PLEKHA5: variants seen among roughly 807,000 people sequenced by gnomAD.
PLEKHA5 encodes pleckstrin homology domain containing A5, also known as pleckstrin homology domain-containing family A member 5.
PLEKHA5 carries 55 observed loss-of-function variants against 181.9 expected under a neutral mutation model. The ratio of observed to expected loss-of-function variants is 0.30; its 90% confidence interval spans 0.24 to 0.38. PLEKHA5 has a LOEUF of 0.38. Among genes scored for constraint, PLEKHA5 ranks in the 10% least tolerant of loss-of-function variants. PLEKHA5 has a pLI of 1.00. For synonymous variants in PLEKHA5, 535 were observed against 529.4 expected (o/e 1.01, Z -0.15); for missense variants, 1,432 against 1,549.5 (o/e 0.92, Z 1.27).
At chr12:19,247,031 A>G (rs907741782) in intron 3 of PLEKHA5, among the ~76,000 whole-genome samples, 5 of 152,060 alleles carry the variant, frequency 3.3e-5, no homozygotes, top group Non-Finnish European at 5.9e-5. Context: ...TATTTTCATG[A>G]GAGAATGTGT....
At chr12:19,150,682 A>G (rs1216833501) in intron 3 of PLEKHA5, 1 of 152,230 alleles carries the variant, frequency 6.6e-6, no homozygotes, top group Non-Finnish European at 1.5e-5. Context: ...GTTTGTTAAA[A>G]TACAGTGTGT....
intron 3 of PLEKHA5, among the ~76,000 whole-genome samples, chr12:19,138,673 G>A (rs2036408692): frequency 1.3e-5 from 2 of 152,142 alleles, no homozygotes; most frequent in Admixed American, 1.3e-4. Flanking sequence ...GAAGAGGTGG[G>A]AGTTGAGCTA....
chr12:19,246,959 A>C (rs1173160768), intron 3 of PLEKHA5, among the ~76,000 whole-genome samples: 1 of 151,148 alleles, frequency 6.6e-6, no homozygotes, highest in Non-Finnish European at 1.5e-5. Flanking sequence ...TTAACAAACA[A>C]GTTTTTTTTC....
chr12:19,132,334 T>C (rs1565847836), intron 2 of PLEKHA5, 59 bp from the exon 3 acceptor site: 1 of 840,838 alleles, frequency 1.2e-6, no homozygotes. Flanking sequence ...TTAAAATGGA[T>C]TGAGACTTAT....
At chr12:19,308,758 A>G (rs1260082008) in intron 15 of PLEKHA5, among the ~76,000 whole-genome samples, 1 of 152,110 alleles carries the variant, frequency 6.6e-6, no homozygotes, top group African/African-American at 2.4e-5. Flanking sequence ...ATTTGAAATG[A>G]TAATCCGGCT....
chr12:19,284,377 A>G (rs1333055410), intron 12 of PLEKHA5, among the ~76,000 whole-genome samples: 1 of 152,094 alleles, frequency 6.6e-6, no homozygotes, highest in Non-Finnish European at 1.5e-5. Context: ...CCTAGACCAC[A>G]TTCATTTTTA....
chr12:19,196,946 C>T (rs2052942101), intron 3 of PLEKHA5, among the ~76,000 whole-genome samples: 1 of 151,624 alleles, frequency 6.6e-6, no homozygotes, highest in Admixed American at 6.6e-5. Context: ...AAATCCTGTT[C>T]ACTGGCTGTG....
chr12:19,311,506 T>C (rs1466561212), intron 15 of PLEKHA5, among the ~76,000 whole-genome samples: 1 of 152,108 alleles, frequency 6.6e-6, no homozygotes, highest in Non-Finnish European at 1.5e-5. Flanking sequence ...TGCTGCTGCT[T>C]TATCAACCAA....
chr12:19,325,117 A>C (rs2091784086), intron 20 of PLEKHA5, among the ~76,000 whole-genome samples: 1 of 152,228 alleles, frequency 6.6e-6, no homozygotes, highest in African/African-American at 2.4e-5. Context: ...TTTTGCCAGG[A>C]GTGCTGGCTC....
chr12:19,142,699 A>G (rs1348273018), intron 3 of PLEKHA5, among the ~76,000 whole-genome samples: 1 of 152,196 alleles, frequency 6.6e-6, no homozygotes, highest in Non-Finnish European at 1.5e-5. Flanking sequence ...AATCTACTTG[A>G]TCAGCAAATT....
chr12:19,159,226 T>C (rs1183051694), intron 3 of PLEKHA5, among the ~76,000 whole-genome samples: 1 of 152,216 alleles, frequency 6.6e-6, no homozygotes, highest in African/African-American at 2.4e-5. Context: ...TTTGTATTCC[T>C]AGAAGCAAAC....
chr12:19,258,020 A>G (rs1467497568), intron 6 of PLEKHA5, among the ~76,000 whole-genome samples: 2 of 151,684 alleles, frequency 1.3e-5, no homozygotes, highest in Admixed American at 1.3e-4. Context: ...CTATAATATG[A>G]GATTATTCTT....
chr12:19,290,749 A>C lies in PLEKHA5; in HGVS notation c.1936A>C (p.Thr646Pro), dbSNP rs1490794517. 6.5e-7 allele frequency: 1 copy of C among 1,536,090 alleles called. No individual in the cohort carries two copies. Among genetic ancestry groups the C allele is most frequent in the Non-Finnish European group, 8.7e-7 (1 of 1,146,582 alleles). The change falls in exon 14 of 32, where the codon ACG (threonine) becomes CCG (proline). Residue 646 changes from threonine (T) to proline (P), a missense_variant. By Grantham distance (38) the Thr-to-Pro change is conservative (BLOSUM62 -1). Around this residue, in one of 2 missense-constraint regions of PLEKHA5, gnomAD observed 1,143 missense variants for 1,168.4 expected, o/e 0.98. Transcript: ENST00000429027. ...QAELSSIREH[T>P]LAQLMQLKLE... Reference sequence around the variant, plus strand: ...CGAACTGAGTAGTATCCGGGAGCATACGTTAGCACAGCTCATGCAGCTAAA... The same window carrying C: ...CGAACTGAGTAGTATCCGGGAGCATCCGTTAGCACAGCTCATGCAGCTAAA...
intron 15 of PLEKHA5, among the ~76,000 whole-genome samples, chr12:19,304,749 C>CG (rs1320073995): frequency 1.3e-5 from 2 of 149,232 alleles, no homozygotes; most frequent in South Asian, 2.2e-4. Flanking sequence ...TTATGGGGGC[C>CG]GGGGGGCTTT....
rs192844972 is a variant in PLEKHA5 at position 19,303,247 on chromosome 12, T to A, written c.2037+11550T>A. On this transcript the variant is annotated intron_variant, in intron 15 of 31. Transcript: ENST00000429027. Reference sequence around the variant, plus strand: ...ACTTTTAAGAGAGCAATTAAGCCACTGCTTAATCACTTGTTATTTTTAAAG... The same window carrying A: ...ACTTTTAAGAGAGCAATTAAGCCACAGCTTAATCACTTGTTATTTTTAAAG... Among the ~76,000 whole-genome samples, 13 of 152,218 alleles carry A rather than the reference T, an allele frequency of 8.5e-5. No homozygotes were observed. In the East Asian group the frequency reaches 2.3e-3, roughly 27 times the overall value.
rs1227059393 is a variant in PLEKHA5 at position 19,129,748 on chromosome 12, G to T, written c.-52G>T. 5.7e-6 allele frequency: 8 copies of T among 1,414,980 alleles called. No homozygotes were observed. Among genetic ancestry groups the T allele is most frequent in the Admixed American group, 1.8e-5 (1 of 56,548 alleles). 87.7% of individuals were successfully genotyped at this position (1,414,980 alleles called of 1,614,324 possible). A position where few individuals can be genotyped will look rare whatever the true frequency, so the allele number is the denominator to read the frequency against. ...TCGCTCGCTCGTTCCCTCCTCCCTC[G>T]GCAGCCGCGGCGGCAGCAGGAGAAG... On this transcript the variant is annotated 5_prime_UTR_variant, in exon 1 of 32. Transcript: ENST00000429027.
chr12:19,215,593 GA>G (rs2057816419), intron 3 of PLEKHA5, among the ~76,000 whole-genome samples: 1 of 152,038 alleles, frequency 6.6e-6, no homozygotes, highest in African/African-American at 2.4e-5. Flanking sequence ...ATATTCTTCT[GA>G]GAACATTTCA....
At chr12:19,238,330 GTA>G (rs1441018428) in intron 3 of PLEKHA5, among the ~76,000 whole-genome samples, 1 of 152,034 alleles carries the variant, frequency 6.6e-6, no homozygotes, top group African/African-American at 2.4e-5. Flanking sequence ...ATATGTGAAT[GTA>G]AAAAGAATAA....
intron 3 of PLEKHA5, among the ~76,000 whole-genome samples, chr12:19,252,092 A>G (rs930840165): frequency 4.6e-5 from 7 of 152,056 alleles, no homozygotes; most frequent in South Asian, 2.1e-4. Context: ...TACTCTTACA[A>G]TAGTCAATAT....
Sources: allele counts gnomAD v4.1 joint callset (sites outside exome capture counted in the v4.1 genomes callset), GRCh38; gene constraint gnomAD v4.1.1; regional missense constraint gnomAD v4.1.1; transcripts MANE v1.5; gene names NCBI Gene and HGNC (gene_info 2026-07-23, HGNC 2026-07-21).